Variants in LRRC4C observed in about 807,000 individuals in gnomAD.
LRRC4C encodes leucine rich repeat containing 4C.
LRRC4C carries 5 observed loss-of-function variants against 33.6 expected under a neutral mutation model. That is an observed-to-expected ratio of 0.15 (90% confidence interval 0.08 to 0.31). The LOEUF (loss-of-function observed/expected upper bound fraction) is 0.31, where lower values mean the gene tolerates loss of function less well. Ranked by LOEUF, LRRC4C falls within the 10% of genes least tolerant of loss-of-function variation. The pLI, the probability that LRRC4C is intolerant of heterozygous loss-of-function variation, is 1.00. For missense variants in LRRC4C, 560 were observed against 796.7 expected, an observed-to-expected ratio of 0.70 and a Z score of 3.58; for synonymous variants, 329 against 302.0, an observed-to-expected ratio of 1.09 and a Z score of -0.93.
intron 1 of LRRC4C, among the ~76,000 whole-genome samples, chr11:41,135,285 T>C (rs929940951): frequency 6.6e-6 from 1 of 151,850 alleles, no homozygotes. Flanking sequence ...CAATCAAGAA[T>C]AGGGGAGGGG....
At chr11:41,368,709 T>C (rs1952633638) in intron 1 of LRRC4C, among the ~76,000 whole-genome samples, 1 of 152,166 alleles carries the variant, frequency 6.6e-6, no homozygotes, top group Non-Finnish European at 1.5e-5. Flanking sequence ...ATGTGTTGTA[T>C]GGAGCAAAAA....
At chr11:41,011,626 T>C (rs1419915927) in intron 1 of LRRC4C, among the ~76,000 whole-genome samples, 1 of 151,822 alleles carries the variant, frequency 6.6e-6, no homozygotes, top group Non-Finnish European at 1.5e-5. Context: ...GGTACATTTC[T>C]AGTGTCTCAG....
At chr11:41,445,341 G>A (rs575107920) in intron 1 of LRRC4C, among the ~76,000 whole-genome samples, 3 of 152,178 alleles carry the variant, frequency 2.0e-5, no homozygotes, top group African/African-American at 7.2e-5. Flanking sequence ...CTGAATGAAG[G>A]GATCATAAAA....
At chr11:40,261,210 T>C (rs1304272423) in intron 4 of LRRC4C, among the ~76,000 whole-genome samples, 3 of 152,166 alleles carry the variant, frequency 2.0e-5, no homozygotes, top group Non-Finnish European at 4.4e-5. Flanking sequence ...TTTTAAAATA[T>C]GTACTGGACT....
intron 3 of LRRC4C, among the ~76,000 whole-genome samples, chr11:40,476,581 T>A (rs1012957042): frequency 4.6e-5 from 7 of 152,054 alleles, no homozygotes; most frequent in African/African-American, 1.7e-4. Flanking sequence ...CCTGACCTCG[T>A]GATCCACCCG....
At chr11:40,853,396 G>A (rs1953609566) in intron 2 of LRRC4C, among the ~76,000 whole-genome samples, 1 of 147,986 alleles carries the variant, frequency 6.8e-6, no homozygotes, top group African/African-American at 2.5e-5. Flanking sequence ...ATATATAAAT[G>A]TATATGTTTA....
intron 1 of LRRC4C, among the ~76,000 whole-genome samples, chr11:40,984,383 G>T (rs1351336451): frequency 1.2e-5 from 1 of 82,746 alleles, no homozygotes; most frequent in Admixed American, 1.1e-4. Context: ...AAGAAAGAAA[G>T]AAAGAAAGAA....
At chr11:41,058,429 G>T (rs1007584301) in intron 1 of LRRC4C, among the ~76,000 whole-genome samples, 1 of 152,256 alleles carries the variant, frequency 6.6e-6, no homozygotes, top group Non-Finnish European at 1.5e-5. Flanking sequence ...ACTGTTCCAT[G>T]CCTGACTTGC....
intron 1 of LRRC4C, among the ~76,000 whole-genome samples, chr11:41,331,528 C>T (rs544910315): frequency 2.0e-5 from 3 of 152,142 alleles, no homozygotes; most frequent in East Asian, 3.9e-4. Flanking sequence ...AATAACTTGC[C>T]GCCTCCCTTC....
At chr11:40,966,511 T>G (rs1851375644) in intron 1 of LRRC4C, among the ~76,000 whole-genome samples, 2 of 151,950 alleles carry the variant, frequency 1.3e-5, no homozygotes, top group Non-Finnish European at 1.5e-5. Context: ...AAATTGCACT[T>G]AATATCACAA....
chr11:40,324,169 G>A (rs945992786), intron 3 of LRRC4C, among the ~76,000 whole-genome samples: 2 of 152,194 alleles, frequency 1.3e-5, no homozygotes, highest in African/African-American at 4.8e-5. Context: ...AAATTAATGA[G>A]CTGTCTCATA....
chr11:40,745,208 C>T (rs1364521735), intron 2 of LRRC4C, among the ~76,000 whole-genome samples: 3 of 152,122 alleles, frequency 2.0e-5, no homozygotes, highest in Non-Finnish European at 4.4e-5. Context: ...CTTTTTCAGC[C>T]TACACTTCCA....
chr11:41,076,677 C>A (rs1366858773), intron 1 of LRRC4C, among the ~76,000 whole-genome samples: 1 of 152,138 alleles, frequency 6.6e-6, no homozygotes, highest in Non-Finnish European at 1.5e-5. Flanking sequence ...GCCACAGAGC[C>A]AAACCACATC....
intron 1 of LRRC4C, among the ~76,000 whole-genome samples, chr11:40,997,378 T>G (rs1358009392): frequency 6.6e-6 from 1 of 152,098 alleles, no homozygotes; most frequent in East Asian, 1.9e-4. Flanking sequence ...GAAAGTTTCC[T>G]GAGTTAGAGA....
chr11:41,160,605 G>T (rs1944426114), intron 1 of LRRC4C, among the ~76,000 whole-genome samples: 2 of 152,088 alleles, frequency 1.3e-5, no homozygotes, highest in Admixed American at 1.3e-4. Context: ...GGAAATATAT[G>T]AATTGGCATG....
chr11:40,909,725 C>A (rs951010463), intron 2 of LRRC4C, among the ~76,000 whole-genome samples: 1 of 152,084 alleles, frequency 6.6e-6, no homozygotes, highest in Non-Finnish European at 1.5e-5. Flanking sequence ...TTTGTGAGTT[C>A]TCTTTTCAGT....
intron 3 of LRRC4C, among the ~76,000 whole-genome samples, chr11:40,346,692 G>A (rs1947147945): frequency 6.6e-6 from 1 of 152,106 alleles, no homozygotes; most frequent in Non-Finnish European, 1.5e-5. Flanking sequence ...ATGTGCCCCT[G>A]AACTTAAAAT....
intron 1 of LRRC4C, among the ~76,000 whole-genome samples, chr11:40,935,467 A>T (rs555542753): frequency 7.6e-4 from 116 of 152,232 alleles, no homozygotes; most frequent in African/African-American, 2.7e-3. Context: ...TCATAAGATT[A>T]TAATGTCATA....
At chr11:40,661,575 C>G (rs935659525) in intron 2 of LRRC4C, among the ~76,000 whole-genome samples, 9 of 152,170 alleles carry the variant, frequency 5.9e-5, no homozygotes, top group Admixed American at 5.9e-4. Flanking sequence ...GCTAGTTACT[C>G]TCTGAGCTTG....
Sources: allele counts gnomAD v4.1 joint callset (sites outside exome capture counted in the v4.1 genomes callset), GRCh38; gene constraint gnomAD v4.1.1; transcripts MANE v1.5; gene names NCBI Gene and HGNC (gene_info 2026-07-23, HGNC 2026-07-21).